ARAP2: variants seen among roughly 807,000 people sequenced by gnomAD.
ARAP2 encodes the protein arf-GAP with Rho-GAP domain, ANK repeat and PH domain-containing protein 2.
ARAP2 carries 148 observed loss-of-function variants against 194.5 expected under a neutral mutation model. That is an observed-to-expected ratio of 0.76 (90% CI 0.67 to 0.87). The LOEUF is 0.87. ARAP2 is among the 40% of genes least tolerant of loss of function. The probability of loss-of-function intolerance (pLI) is 0.00; values close to 1 mark genes in which losing one functional copy is unlikely to be tolerated. For missense variants in ARAP2, 2,128 were observed against 1,989.7 expected (o/e 1.07, Z -1.32); for synonymous variants, 695 against 683.5 (o/e 1.02, Z -0.26).
intron 5 of ARAP2, among the ~76,000 whole-genome samples, chr4:36,034,471 A>G (rs1369062331): frequency 2.0e-5 from 3 of 152,064 alleles, no homozygotes; most frequent in African/African-American, 4.8e-5. Context: ...TAGGAATGCT[A>G]GTGATTTTTG....
intron 5 of ARAP2, among the ~76,000 whole-genome samples, chr4:36,031,387 G>C (rs931629122): frequency 5.9e-5 from 9 of 152,094 alleles, no homozygotes; most frequent in Non-Finnish European, 4.4e-5. Context: ...CTTATACTAA[G>C]AAGCTTAGTC....
chr4:36,197,013 TACTTA>T (rs1198040286), intron 6 of ARAP2, among the ~76,000 whole-genome samples: 1 of 151,874 alleles, frequency 6.6e-6, no homozygotes, highest in African/African-American at 2.4e-5. Flanking sequence ...TCCATTTCTT[TACTTA>T]ATGACACTAA....
At chr4:36,043,805 GA>G (rs1721280028) in intron 5 of ARAP2, among the ~76,000 whole-genome samples, 2 of 57,594 alleles carry the variant, frequency 3.5e-5, no homozygotes, top group East Asian at 6.9e-4. Flanking sequence ...GAAGGGAAGG[GA>G]AGGGAAGGGA....
chr4:36,193,532 C>T (rs749512176), intron 7 of ARAP2, 46 bp downstream of exon 7: 66 of 1,297,702 alleles, frequency 5.1e-5, no homozygotes, highest in East Asian at 7.4e-5. Context: ...TTTTACTCTT[C>T]GTATGCATAA....
intron 12 of ARAP2, among the ~76,000 whole-genome samples, chr4:36,161,209 A>T (rs1733863387): frequency 6.6e-6 from 1 of 152,056 alleles, no homozygotes; most frequent in African/African-American, 2.4e-5. Flanking sequence ...CTAGCATTAA[A>T]AAAAAACAAG....
chr4:36,037,543 A>T (rs1211182228), intron 5 of ARAP2, among the ~76,000 whole-genome samples: 2 of 152,144 alleles, frequency 1.3e-5, no homozygotes, highest in Non-Finnish European at 2.9e-5. Context: ...TTCAATATTA[A>T]ATTGCATCTA....
At position 36,131,084 on chromosome 4, in the gene ARAP2, C is replaced by A. The variant is rs567221558; in HGVS notation, c.3427+2142G>T. On this transcript the variant is annotated intron_variant, in intron 20 of 32. Transcript: ENST00000303965. ...CAGAAAATTGGTCTTGAGATTTTAA[C>A]CCACAGGTCAGGGGGTTCAAAATAA... 5.3e-5 allele frequency among the ~76,000 whole-genome samples: 8 copies of A among 151,836 alleles called. 1 individual carries two copies. The highest frequency in any genetic ancestry group is 3.9e-4 in the East Asian group (2 of 5,136).
At chr4:36,236,927 C>T (rs1407970379) in intron 1 of ARAP2, among the ~76,000 whole-genome samples, 7 of 152,190 alleles carry the variant, frequency 4.6e-5, no homozygotes, top group Non-Finnish European at 7.3e-5. Flanking sequence ...CCCAACACTA[C>T]GGATGATAAA....
downstream of ARAP2, among the ~76,000 whole-genome samples, chr4:36,062,926 G>A (rs1410799321): frequency 6.6e-6 from 1 of 152,112 alleles, no homozygotes; most frequent in Admixed American, 6.6e-5. Flanking sequence ...TCTGTGCTTT[G>A]CATTTCCTGA....
rs539980603 is a variant in ARAP2 at position 36,099,139 on chromosome 4, C to T, written c.4286-7119G>A. 6.6e-5 allele frequency among the ~76,000 whole-genome samples: 10 copies of T among 151,886 alleles called. No homozygotes were observed. The South Asian group carries it at 1.5e-3, about 22-fold the overall frequency. On this transcript the variant is annotated intron_variant, in intron 27 of 32. Coordinates refer to ENST00000303965, the MANE Select transcript of ARAP2 (RefSeq NM_015230.4). ...TCATCATTCGGCTCCCACTTATAAG[C>T]GAGAACATGCGGTGTCTGGTTTTCT... is the stretch of plus-strand genomic sequence containing the variant.
chr4:36,186,168 A>T (rs541294710), intron 8 of ARAP2, among the ~76,000 whole-genome samples: 1 of 152,320 alleles, frequency 6.6e-6, no homozygotes, highest in African/African-American at 2.4e-5. Flanking sequence ...TTCCTAAATA[A>T]AAGTTGTCCA....
chr4:36,172,928 C>A (rs540303890), intron 9 of ARAP2, among the ~76,000 whole-genome samples: 1 of 152,148 alleles, frequency 6.6e-6, no homozygotes, highest in Non-Finnish European at 1.5e-5. Flanking sequence ...CACAACCCAT[C>A]GCCCTATGAG....
chr4:36,008,364 A>C (rs965718360), intron 9 of ARAP2, among the ~76,000 whole-genome samples: 1 of 152,128 alleles, frequency 6.6e-6, no homozygotes, highest in African/African-American at 2.4e-5. Context: ...AAAGAAAAGA[A>C]TAGAGAACCC....
chr4:36,238,459 C>T (rs1752851266), intron 1 of ARAP2, among the ~76,000 whole-genome samples: 1 of 152,138 alleles, frequency 6.6e-6, no homozygotes, highest in Admixed American at 6.5e-5. Context: ...ACAACCTGTG[C>T]TATAAACTGT....
intron 6 of ARAP2, among the ~76,000 whole-genome samples, chr4:36,016,778 C>T (rs891905372): frequency 3.3e-5 from 5 of 152,090 alleles, no homozygotes; most frequent in Non-Finnish European, 5.9e-5. Context: ...AATCACACAA[C>T]CTCTTGGCCA....
chr4:36,188,519 C>T (rs759740203), intron 7 of ARAP2, among the ~76,000 whole-genome samples: 22 of 152,136 alleles, frequency 1.4e-4, no homozygotes, highest in Admixed American at 4.6e-4. Flanking sequence ...TAGACAAGTG[C>T]GTGGGGGGCA....
chr4:36,022,455 C>T (rs1047228901), intron 5 of ARAP2, among the ~76,000 whole-genome samples: 2 of 151,998 alleles, frequency 1.3e-5, no homozygotes, highest in Admixed American at 6.6e-5. Context: ...ATGCTTTCAG[C>T]GAGCGGGGAG....
At chr4:36,235,065 T>C (rs932762239) in intron 1 of ARAP2, among the ~76,000 whole-genome samples, 5 of 152,176 alleles carry the variant, frequency 3.3e-5, no homozygotes, top group Admixed American at 6.5e-5. Flanking sequence ...TACTTTACTG[T>C]GCTATACCTT....
At chr4:36,174,396 C>T (rs1046183729) in intron 9 of ARAP2, among the ~76,000 whole-genome samples, 4 of 151,996 alleles carry the variant, frequency 2.6e-5, no homozygotes, top group East Asian at 1.9e-4. Flanking sequence ...ATATTAGCAC[C>T]CCACTGTTTT....
Sources: allele counts gnomAD v4.1 joint callset (sites outside exome capture counted in the v4.1 genomes callset), GRCh38; gene constraint gnomAD v4.1.1; transcripts MANE v1.5; gene names NCBI Gene and HGNC (gene_info 2026-07-23, HGNC 2026-07-21).